GPC5: variants seen among roughly 807,000 people sequenced by gnomAD.
GPC5 encodes glypican 5, also known as glypican-5.
GPC5 carries 47 observed loss-of-function variants against 53.9 expected under a neutral mutation model. The ratio of observed to expected loss-of-function variants is 0.87; its 90% CI spans 0.69 to 1.11. The LOEUF is 1.11. Among genes scored for constraint, GPC5 ranks in the 50% most tolerant of loss-of-function variants. The probability of loss-of-function intolerance (pLI) is 0.00; values close to 1 mark genes in which losing one functional copy is unlikely to be tolerated. For synonymous variants in GPC5, 286 were observed against 263.3 expected, an observed-to-expected ratio of 1.09 and a Z score of -0.84; for missense variants, 748 against 713.1, an observed-to-expected ratio of 1.05 and a Z score of -0.56.
chr13:92,623,533 A>G (rs1884944597), intron 7 of GPC5, among the ~76,000 whole-genome samples: 1 of 152,156 alleles, frequency 6.6e-6, no homozygotes, highest in African/African-American at 2.4e-5. Flanking sequence ...TTACATTATT[A>G]AAATGAGAGA....
intron 7 of GPC5, among the ~76,000 whole-genome samples, chr13:92,384,412 A>G (rs2043775504): frequency 1.3e-5 from 2 of 152,144 alleles, no homozygotes; most frequent in South Asian, 4.1e-4. Context: ...ACAAAAATTC[A>G]CTTTTAAAAA....
intron 7 of GPC5, among the ~76,000 whole-genome samples, chr13:92,656,114 C>A (rs898480134): frequency 2.2e-4 from 34 of 152,040 alleles, no homozygotes; most frequent in African/African-American, 8.2e-4. Context: ...AAGGCATTTT[C>A]AAGTCATTGA....
chr13:92,327,288 C>G, intron 7 of GPC5, among the ~76,000 whole-genome samples: 1 of 152,106 alleles, frequency 6.6e-6, no homozygotes, highest in Non-Finnish European at 1.5e-5. Context: ...CAGAGCAGCC[C>G]AATTTATCTT....
At chr13:92,628,264 C>CTTTTTTTTTTTGTTTTTTTTTTTT (rs1885116172) in intron 7 of GPC5, among the ~76,000 whole-genome samples, 1 of 45,338 alleles carries the variant, frequency 2.2e-5, no homozygotes, top group Non-Finnish European at 4.3e-5. Flanking sequence ...CTTTTTCTTT[C>CTTTTTTTTTTTGTTTTTTTTTTTT]TTTTTTTTTT....
chr13:91,490,306 A>G (rs1242919153), intron 2 of GPC5, among the ~76,000 whole-genome samples: 2 of 152,286 alleles, frequency 1.3e-5, no homozygotes, highest in East Asian at 3.9e-4. Flanking sequence ...AGAAATTTCT[A>G]GCTTTGAAGA....
intron 2 of GPC5, among the ~76,000 whole-genome samples, chr13:91,480,960 T>A (rs1345647786): frequency 6.6e-6 from 1 of 151,444 alleles, no homozygotes; most frequent in Non-Finnish European, 1.5e-5. Context: ...CTTGGAGGTT[T>A]TTTTTTTTCC....
intron 7 of GPC5, among the ~76,000 whole-genome samples, chr13:92,647,532 G>A (rs1885813957): frequency 6.6e-6 from 1 of 152,008 alleles, no homozygotes; most frequent in Admixed American, 6.6e-5. Flanking sequence ...ACATGACAAG[G>A]AATCTTGGTT....
intron 2 of GPC5, among the ~76,000 whole-genome samples, chr13:91,650,533 AATGAAAACAAAACAAG>A (rs138164933): frequency 0.064 from 9,660 of 152,106 alleles, 1,023 homozygotes; most frequent in African/African-American, 0.22. Context: ...AACAAAACAA[AATGAAAACAAAACAAG>A]ATGAGTAAAC....
chr13:91,993,939 G>A (rs2040480836), intron 6 of GPC5, among the ~76,000 whole-genome samples: 1 of 152,184 alleles, frequency 6.6e-6, no homozygotes, highest in Non-Finnish European at 1.5e-5. Flanking sequence ...GAGATGTGCA[G>A]AGAAAGTAAG....
At chr13:91,715,698 A>G (rs1023156448) in intron 3 of GPC5, among the ~76,000 whole-genome samples, 4 of 151,752 alleles carry the variant, frequency 2.6e-5, no homozygotes, top group African/African-American at 9.7e-5. Context: ...AATACCACAC[A>G]TGATACCTTA....
At chr13:92,810,776 A>T (rs1877267377) in intron 7 of GPC5, among the ~76,000 whole-genome samples, 1 of 152,046 alleles carries the variant, frequency 6.6e-6, no homozygotes. Context: ...GCTGGAATAC[A>T]GTGGTGTGAT....
At chr13:92,214,725 G>T (rs1594003742) in intron 7 of GPC5, among the ~76,000 whole-genome samples, 1 of 152,178 alleles carries the variant, frequency 6.6e-6, no homozygotes, top group Non-Finnish European at 1.5e-5. Flanking sequence ...ATGTTAGGTT[G>T]TACAGCAAAG....
intron 3 of GPC5, among the ~76,000 whole-genome samples, chr13:91,726,286 A>G (rs2036574733): frequency 2.0e-5 from 3 of 152,136 alleles, no homozygotes; most frequent in Admixed American, 2.0e-4. Flanking sequence ...GCAGTTCAAA[A>G]TTAAGATTTC....
At chr13:92,548,150 T>C in intron 7 of GPC5, among the ~76,000 whole-genome samples, 1 of 151,998 alleles carries the variant, frequency 6.6e-6, no homozygotes. Flanking sequence ...TGGCTATTAT[T>C]CTTTTAAAAT....
chr13:92,179,652 T>C (rs2042132379), intron 7 of GPC5, among the ~76,000 whole-genome samples: 1 of 152,252 alleles, frequency 6.6e-6, no homozygotes. Context: ...AATGATAGAT[T>C]ACTTATACTA....
At chr13:91,568,773 CAGA>C (rs1170976226) in intron 2 of GPC5, among the ~76,000 whole-genome samples, 2 of 129,766 alleles carry the variant, frequency 1.5e-5, no homozygotes, top group Admixed American at 8.0e-5. Flanking sequence ...TTTTTTTTTT[CAGA>C]AGGAGTCTCT....
intron 6 of GPC5, among the ~76,000 whole-genome samples, chr13:91,978,366 G>A (rs1003494723): frequency 1.3e-5 from 2 of 152,284 alleles, no homozygotes; most frequent in African/African-American, 4.8e-5. Context: ...TATGCACCTA[G>A]AATATAGGCT....
intron 2 of GPC5, among the ~76,000 whole-genome samples, chr13:91,576,831 T>G (rs967843385): frequency 3.9e-5 from 6 of 152,094 alleles, no homozygotes; most frequent in Non-Finnish European, 7.4e-5. Context: ...AGCCACCAAC[T>G]AAAACAAAGT....
intron 3 of GPC5, among the ~76,000 whole-genome samples, chr13:91,713,234 A>AT (rs2036266770): frequency 6.6e-6 from 1 of 152,144 alleles, no homozygotes; most frequent in African/African-American, 2.4e-5. Context: ...ACAAGCCTTC[A>AT]TATTATACTA....
Sources: gnomAD v4.1 joint callset for allele counts (sites outside exome capture counted in the v4.1 genomes callset) on GRCh38, gnomAD v4.1.1 for gene constraint, MANE v1.5 for transcripts, NCBI Gene and HGNC (gene_info 2026-07-23, HGNC 2026-07-21) for gene names.